The following KDM5B variants were observed in gnomAD, a reference collection of about 807,000 sequenced individuals.
KDM5B encodes lysine-specific demethylase 5B.
Under a neutral mutation model 193.4 loss-of-function variants are expected in KDM5B, and 144 were observed. That is an observed-to-expected ratio of 0.74 (90% CI 0.65 to 0.86). KDM5B has a LOEUF of 0.86. Ranked by LOEUF, KDM5B falls within the 40% of genes least tolerant of loss-of-function variation. The pLI is 0.00. For missense variants in KDM5B, 1,833 were observed against 1,886.9 expected, an observed-to-expected ratio of 0.97 and a Z score of 0.53; for synonymous variants, 668 against 682.6, an observed-to-expected ratio of 0.98 and a Z score of 0.33.
In KDM5B at chr1:202,731,809, G is replaced by A. The variant is rs367834103; in HGVS notation, c.4021+19C>T. On this transcript the variant is annotated intron_variant, in intron 24 of 26. Coordinates refer to ENST00000367265, the MANE Select transcript of KDM5B (RefSeq NM_006618.5). Reference sequence around the variant, plus strand: ...CACTCATTACTATCCAGCCCTCAACGTAATAACAAAATACAAACCATGGAG... The same window carrying A: ...CACTCATTACTATCCAGCCCTCAACATAATAACAAAATACAAACCATGGAG... The A allele has an allele frequency of 2.9e-4, 436 of 1,517,722 alleles. 1 individual carries two copies. Among genetic ancestry groups the A allele is most frequent in the African/African-American group, 1.8e-3 (134 of 72,818 alleles). The allele number at this position is 1,517,722 out of a possible 1,614,324, so 94.0% of individuals were successfully genotyped here.
intron 20 of KDM5B, among the ~76,000 whole-genome samples, chr1:202,738,468 G>A (rs1402121562): frequency 1.3e-5 from 2 of 152,100 alleles, no homozygotes; most frequent in Non-Finnish European, 2.9e-5. Flanking sequence ...TTTTGTTTTT[G>A]GCTTGCTGGA....
intron 1 of KDM5B, among the ~76,000 whole-genome samples, chr1:202,803,459 C>A (rs1475963266): frequency 6.6e-6 from 1 of 152,192 alleles, no homozygotes; most frequent in Non-Finnish European, 1.5e-5. Flanking sequence ...CAATTTACCA[C>A]TGGCAAAGTC....
At chr1:202,748,841 A>G (rs1000974528) in intron 14 of KDM5B, 104 bp downstream of exon 14, 1 of 941,486 alleles carries the variant, frequency 1.1e-6, no homozygotes, top group African/African-American at 1.7e-5. Context: ...GGCCTCAAAG[A>G]AAATAGGCTT....
chr1:202,738,252 C>G (rs1197999104), intron 20 of KDM5B, among the ~76,000 whole-genome samples: 3 of 152,168 alleles, frequency 2.0e-5, no homozygotes, highest in Non-Finnish European at 2.9e-5. Context: ...AGGAAATAAA[C>G]TCATCCAGAA....
Position 202,808,124 on chromosome 1 carries a change from A to T in KDM5B, c.182T>A (p.Ile61Asn). The T allele has an allele frequency of 6.2e-7, 1 of 1,611,864 alleles. No homozygotes were observed. The highest frequency in any genetic ancestry group is 8.5e-7 in the Non-Finnish European group (1 of 1,179,210). The change falls in exon 1 of 27, where the codon ATC (isoleucine) becomes AAC (asparagine). Residue 61 changes from isoleucine (I) to asparagine (N), a missense_variant. Around this residue, in one of 3 missense-constraint regions of KDM5B, gnomAD observed 355 missense variants for 374.9 expected, o/e 0.95. Transcript: ENST00000367265. ...CACCGGCGGCGGCCGCACCTTACAG[A>T]TGCCAGTCTGCTCGGCTATGGGCCG... is the stretch of plus-strand genomic sequence containing the variant. ...KIRPIAEQTGICKVRPPPDWQ... is the reference protein window; with the variant it reads ...KIRPIAEQTGNCKVRPPPDWQ...
intron 23 of KDM5B, among the ~76,000 whole-genome samples, chr1:202,733,150 G>T (rs907965744): frequency 6.6e-6 from 1 of 152,186 alleles, no homozygotes; most frequent in African/African-American, 2.4e-5. Flanking sequence ...AAAATTATTT[G>T]TATCTGTGAA....
intron 20 of KDM5B, among the ~76,000 whole-genome samples, chr1:202,739,142 A>G (rs1655204387): frequency 6.6e-6 from 1 of 152,230 alleles, no homozygotes; most frequent in Non-Finnish European, 1.5e-5. Flanking sequence ...ACAAGCCAAC[A>G]AGAGGTAATC....
intron 1 of KDM5B, chr1:202,806,426 T>TTTC (rs891697328): frequency 1.6e-4 from 24 of 152,212 alleles, no homozygotes; most frequent in African/African-American, 5.8e-4. Context: ...AATTAAAACC[T>TTTC]TGGCTCTAAC....
intron 16 of KDM5B, among the ~76,000 whole-genome samples, chr1:202,745,269 G>A (rs12035690): frequency 0.042 from 6,454 of 152,158 alleles, 349 homozygotes; most frequent in East Asian, 0.25. Context: ...TACAACAAAC[G>A]CCCATGACAC....
chr1:202,728,218 T>C lies in KDM5B; in HGVS notation c.*818A>G, dbSNP rs1654743868. 6.6e-6 allele frequency: 1 copy of C among 152,370 alleles called. No individual in the cohort carries two copies. The highest frequency in any genetic ancestry group is 1.5e-5 in the Non-Finnish European group (1 of 68,046). The allele number at this position is 152,370 out of a possible 1,614,324, so 9.4% of individuals were successfully genotyped here. ...TTAGTGTTATGTTAGGACGAAGGATTTATTCCACAATATAAACTGTAACAT... is the reference window on the plus strand; with the variant it reads ...TTAGTGTTATGTTAGGACGAAGGATCTATTCCACAATATAAACTGTAACAT... On this transcript the variant is annotated 3_prime_UTR_variant, in exon 27 of 27. Transcript: ENST00000367265.
At chr1:202,790,782 C>A (rs2102329966) in intron 1 of KDM5B, among the ~76,000 whole-genome samples, 1 of 151,690 alleles carries the variant, frequency 6.6e-6, no homozygotes, top group East Asian at 1.9e-4. Flanking sequence ...GAACCTACAC[C>A]CTAGGCCCCT....
chr1:202,743,305 C>T (rs1350733869), intron 16 of KDM5B, among the ~76,000 whole-genome samples: 18 of 138,866 alleles, frequency 1.3e-4, no homozygotes, highest in Non-Finnish European at 2.6e-4. Context: ...CCACTGCACT[C>T]CAGTTGAGAT....
In KDM5B at chr1:202,756,344, A is replaced by C. The variant is rs1184894220; in HGVS notation, c.1356+14T>G. ...CAATAAATACCTCAATTTCCAAGCC[A>C]CTTATATGCCTACCTCTTCCTCAGG... On this transcript the variant is annotated intron_variant, in intron 10 of 26. Transcript: ENST00000367265. 1.9e-6 allele frequency: 3 copies of C among 1,576,834 alleles called. No individual in the cohort carries two copies. In the Admixed American group the frequency reaches 5.8e-5, roughly 30 times the overall value.
intron 1 of KDM5B, chr1:202,796,805 G>C (rs1376394400): frequency 3.2e-5 from 5 of 156,086 alleles, no homozygotes; most frequent in African/African-American, 1.2e-4. Flanking sequence ...CTTTGCAGCT[G>C]GCAGCATCAC....
At chr1:202,751,680 T>G (rs1236477233) in intron 12 of KDM5B, among the ~76,000 whole-genome samples, 1 of 152,228 alleles carries the variant, frequency 6.6e-6, no homozygotes, top group Non-Finnish European at 1.5e-5. Flanking sequence ...TTGTCACCAC[T>G]GTCAAACCAC....
intron 1 of KDM5B, among the ~76,000 whole-genome samples, chr1:202,801,132 T>C (rs900587740): frequency 6.6e-6 from 1 of 152,190 alleles, no homozygotes; most frequent in African/African-American, 2.4e-5. Context: ...GGAAAATAGC[T>C]AAAGTAACTA....
At chr1:202,757,096 T>G (rs1467555005) in intron 9 of KDM5B, among the ~76,000 whole-genome samples, 2 of 150,304 alleles carry the variant, frequency 1.3e-5, no homozygotes, top group African/African-American at 4.9e-5. Context: ...GGCTGGGAGG[T>G]GGGGGGGGGA....
intron 6 of KDM5B, among the ~76,000 whole-genome samples, chr1:202,763,512 C>G (rs1435533982): frequency 6.6e-6 from 1 of 152,084 alleles, no homozygotes; most frequent in Admixed American, 6.6e-5. Context: ...TTCACTAATC[C>G]CTAGGTTGAA....
chr1:202,794,934 C>T lies in KDM5B; in HGVS notation c.204+13168G>A, dbSNP rs191996785. Among the ~76,000 whole-genome samples, 16 of 152,212 alleles carry T rather than the reference C, an allele frequency of 1.1e-4. No individual in the cohort carries two copies. The East Asian group carries it at 2.7e-3, about 26-fold the overall frequency. On this transcript the variant is annotated intron_variant, in intron 1 of 26. Transcript: ENST00000367265. ...CACTGTAATAAAAGTTACATGGGGCCGGGTGTGGTGGCTCACACCTGTAAT... is the reference window on the plus strand; with the variant it reads ...CACTGTAATAAAAGTTACATGGGGCTGGGTGTGGTGGCTCACACCTGTAAT...
Sources: gnomAD v4.1 joint callset for allele counts (sites outside exome capture counted in the v4.1 genomes callset) on GRCh38, gnomAD v4.1.1 for gene constraint, gnomAD v4.1.1 regional missense constraint, MANE v1.5 for transcripts, NCBI Gene and HGNC (gene_info 2026-07-23, HGNC 2026-07-21) for gene names.